Variants in PROZ observed in about 807,000 individuals in gnomAD.
The protein encoded by PROZ is protein Z, vitamin K dependent plasma glycoprotein.
In PROZ, 46 loss-of-function variants were observed where a neutral mutation model predicts 34.9. The observed-to-expected ratio is 1.32, with a 90% CI of 1.04 to 1.69. The LOEUF is 1.69. PROZ is among the 40% of genes most tolerant of loss of function. The pLI, the probability that PROZ is intolerant of heterozygous loss-of-function variation, is 0.00. For missense variants in PROZ, 530 were observed against 520.4 expected (o/e 1.02, Z -0.18); for synonymous variants, 195 against 208.5 (o/e 0.94, Z 0.56).
intron 6 of PROZ, chr13:113,166,182 A>G (rs2036926083): frequency 6.6e-6 from 1 of 152,248 alleles, no homozygotes; most frequent in Admixed American, 6.5e-5. Context: ...CACATAATTT[A>G]AAATTTTCTA....
At chr13:113,164,971 CA>C in intron 5 of PROZ, 81 bp from the exon 6 acceptor site, 1 of 1,353,330 alleles carries the variant, frequency 7.4e-7, no homozygotes, top group East Asian at 2.3e-5. Context: ...CGGAATTATG[CA>C]ACGGTTAACA....
In PROZ at chr13:113,159,937, C is replaced by T. The variant is rs529581759; in HGVS notation, c.71-77C>T. 103 of 1,574,088 alleles carry T rather than the reference C, an allele frequency of 6.5e-5. No homozygotes were observed. Among genetic ancestry groups the T allele is most frequent in the East Asian group, 1.8e-4 (8 of 44,688 alleles). The stretch of plus-strand genomic sequence containing the variant: ...GACGGGGCTGGGGCTGGCGGCCGGC[C>T]GGGGAGGAAGCCAGGCAGCTCTGGA... On this transcript the variant is annotated intron_variant, in intron 1 of 7. Transcript: ENST00000375547. The surrounding 1 kb of genome is among the most constrained non-coding windows in gnomAD (Gnocchi z 4.6).
In PROZ at chr13:113,159,899, G is replaced by C; in HGVS notation, c.71-115G>C. 1 of 1,288,726 alleles carries C rather than the reference G, an allele frequency of 7.8e-7. No individual in the cohort carries two copies. Among genetic ancestry groups the C allele is most frequent in the Non-Finnish European group, 1.1e-6 (1 of 888,370 alleles). The allele number at this position is 1,288,726 out of a possible 1,614,324, so 79.8% of individuals were successfully genotyped here. A position where few individuals can be genotyped will look rare whatever the true frequency, so the allele number is the denominator to read the frequency against. ...GCCCTGAGGCCCTCGCAGGCTGAGA[G>C]CCTGTGGAGACGGACGGGGCTGGGG... is the stretch of plus-strand genomic sequence containing the variant. On this transcript the variant is annotated intron_variant, in intron 1 of 7. Transcript: ENST00000375547. This position sits in a 1 kb window ranked among gnomAD's most constrained non-coding sequence, Gnocchi z 4.6.
rs1246696071 is a variant in PROZ, at chr13:113,159,637, GCAC to G, written c.71-376_71-374del. 6.6e-6 allele frequency among the ~76,000 whole-genome samples: 1 copy of G among 152,236 alleles called. No homozygotes were observed. Among genetic ancestry groups the G allele is most frequent in the African/African-American group, 2.4e-5 (1 of 41,458 alleles). ...ATGTTAAATGCTGCGCACAGAGGCA[GCAC>G]AGGAGCTGATGGCTCTTGGTCCCCA... On this transcript the variant is annotated intron_variant, in intron 1 of 7. Coordinates refer to ENST00000375547, the MANE Select transcript of PROZ (RefSeq NM_003891.3). The surrounding 1 kb of genome is among the most constrained non-coding windows in gnomAD (Gnocchi z 4.6).
At position 113,159,547 on chromosome 13, in the gene PROZ, TCTC is replaced by T. The variant is rs1480502783; in HGVS notation, c.71-461_71-459del. Among the ~76,000 whole-genome samples, 1 of 152,202 alleles carries T rather than the reference TCTC, an allele frequency of 6.6e-6. No homozygotes were observed. The highest frequency in any genetic ancestry group is 1.5e-5 in the Non-Finnish European group (1 of 68,044). On this transcript the variant is annotated intron_variant, in intron 1 of 7. Coordinates refer to ENST00000375547, the MANE Select transcript of PROZ (RefSeq NM_003891.3). The surrounding 1 kb of genome is among the most constrained non-coding windows in gnomAD (Gnocchi z 4.6). ...CTGCCGCGGGTCAACTCATTTGCCTTCTCCTCCTGGAAATCGCAGAGCCTGCTG... is the reference window on the plus strand; with the variant it reads ...CTGCCGCGGGTCAACTCATTTGCCTTCTCCTGGAAATCGCAGAGCCTGCTG...
rs775089037 is a variant in PROZ, at chr13:113,171,636, C to T, written c.734C>T (p.Thr245Met). The T allele has an allele frequency of 3.7e-5, 59 of 1,614,046 alleles. No individual in the cohort carries two copies. Among genetic ancestry groups the T allele is most frequent in the Non-Finnish European group, 4.7e-5 (56 of 1,180,050 alleles). Residue 245 changes from threonine (T) to methionine (M), a missense_variant, in exon 8 of 8, where the codon ACG (threonine) becomes ATG (methionine). Thr to Met is a moderately conservative substitution (Grantham distance 81, BLOSUM62 -1). Coordinates refer to ENST00000375547, the MANE Select transcript of PROZ (RefSeq NM_003891.3). This position sits in a 1 kb window ranked among gnomAD's most constrained non-coding sequence, Gnocchi z 5.1. ...CAAGACCCGCTGATGATCAAGATAA[C>T]GCACGTCCATGTGCACATGCGGTAT... ...TSQDPLMIKI[T>M]HVHVHMRYDA...
intron 3 of PROZ, among the ~76,000 whole-genome samples, chr13:113,161,801 C>CCCACA (rs2036767388): frequency 7.2e-6 from 1 of 139,220 alleles, no homozygotes; most frequent in African/African-American, 2.6e-5. Flanking sequence ...CTGCCACCTC[C>CCCACA]TCACATCCTC....
In PROZ at chr13:113,169,011, G is replaced by A. The variant is rs45575731; in HGVS notation, c.574-1402G>A. ...CCCAAAGTGCTGGGATTATAGGCGTGAGCCACCATGCCTGGCCCATTATTT... is the reference window on the plus strand; with the variant it reads ...CCCAAAGTGCTGGGATTATAGGCGTAAGCCACCATGCCTGGCCCATTATTT... On this transcript the variant is annotated intron_variant, in intron 6 of 7. Coordinates refer to ENST00000375547, the MANE Select transcript of PROZ (RefSeq NM_003891.3). Among the ~76,000 whole-genome samples, 590 of 152,288 alleles carry A rather than the reference G, an allele frequency of 3.9e-3. 6 individuals are homozygous for A. The highest frequency in any genetic ancestry group is 6.8e-3 in the Non-Finnish European group (465 of 68,028).
intron 4 of PROZ, among the ~76,000 whole-genome samples, chr13:113,164,307 C>T (rs961335068): frequency 1.3e-5 from 2 of 152,106 alleles, no homozygotes; most frequent in Non-Finnish European, 2.9e-5. Flanking sequence ...TCTACATGCA[C>T]ATTCCTGAAA....
rs1319424821 is a variant in PROZ at position 113,171,352 on chromosome 13, C to T, written c.692-242C>T. ...CATTTCACCACACCCCACTGCACTC[C>T]AAAACAGAAGAACTAACCTTGACTG... On this transcript the variant is annotated intron_variant, in intron 7 of 7. Transcript: ENST00000375547. The surrounding 1 kb of genome is among the most constrained non-coding windows in gnomAD (Gnocchi z 5.1). Among the ~76,000 whole-genome samples, 4 of 152,178 alleles carry T rather than the reference C, an allele frequency of 2.6e-5. No homozygotes were observed. Among genetic ancestry groups the T allele is most frequent in the African/African-American group, 7.2e-5 (3 of 41,438 alleles).
intron 6 of PROZ, among the ~76,000 whole-genome samples, chr13:113,169,723 G>A (rs987070207): frequency 1.3e-5 from 2 of 152,248 alleles, no homozygotes; most frequent in African/African-American, 2.4e-5. Context: ...TTTTAACTCA[G>A]CTGGTGGAAG....
rs1168066705 is a variant in PROZ at position 113,163,120 on chromosome 13, T to C, written c.371T>C (p.Leu124Pro). 1.3e-6 allele frequency: 2 copies of C among 1,550,500 alleles called. No individual in the cohort carries two copies. The highest frequency in any genetic ancestry group is 8.7e-7 in the Non-Finnish European group (1 of 1,145,744). Residue 124 changes from leucine to proline, a missense_variant and splice_region_variant, in exon 4 of 8, where the codon CTG becomes CCG. Leu to Pro is a moderately conservative substitution (Grantham distance 98). Transcript: ENST00000375547. ...SPGYEGSNCE[L>P]AKNECHPERT... ...GGCTATGAGGGCAGCAACTGCGAGC[T>C]GGGTGAGGCCCCGGCCGTCCCCTTC...
chr13:113,162,962 T>TC, intron 3 of PROZ, 47 bp from the exon 4 acceptor site: 1 of 1,134,540 alleles, frequency 8.8e-7, no homozygotes, highest in South Asian at 1.3e-5. Flanking sequence ...CCTGCTCAGG[T>TC]CCCCGTTCCT....
Position 113,171,942 on chromosome 13 carries a change from C to T in PROZ, c.1040C>T (p.Ala347Val), listed in dbSNP as rs779977892. The T allele has an allele frequency of 5.6e-6, 9 of 1,613,690 alleles. No homozygotes were observed. The highest frequency in any genetic ancestry group is 1.7e-4 in the Middle Eastern group (1 of 6,060). Residue 347 changes from alanine (A) to valine (V), a missense_variant, in exon 8 of 8, where the codon GCG (alanine) becomes GTG (valine). Physicochemically the swap from Ala to Val is moderately conservative, Grantham distance 64 (BLOSUM62 0). Transcript: ENST00000375547. The surrounding 1 kb of genome is among the most constrained non-coding windows in gnomAD (Gnocchi z 5.1). Reference protein sequence around the residue: ...TRTYCERSSVAAMHWMDGSVV... With the variant: ...TRTYCERSSVVAMHWMDGSVV... ...ACCTACTGTGAGAGAAGCAGCGTGG[C>T]GGCCATGCACTGGATGGATGGAAGT...
rs146398692 is a variant in PROZ at position 113,171,678 on chromosome 13, A to T, written c.776A>T (p.Glu259Val). Residue 259 changes from glutamate (E) to valine (V), a missense_variant, in exon 8 of 8, where the codon GAG (glutamate) becomes GTG (valine). Coordinates refer to ENST00000375547, the MANE Select transcript of PROZ (RefSeq NM_003891.3). This position sits in a 1 kb window ranked among gnomAD's most constrained non-coding sequence, Gnocchi z 5.1. ...VHMRYDADAG[E>V]NDLSLLELEW... is the part of the protein sequence containing the mutation. ...ATGCGGTATGACGCGGACGCGGGGG[A>T]GAATGACCTGTCACTGCTGGAGCTG... 2.4e-3 allele frequency: 3,879 copies of T among 1,613,960 alleles called. 9 individuals carry two copies. Among genetic ancestry groups the T allele is most frequent in the Non-Finnish European group, 3.0e-3 (3,483 of 1,180,014 alleles).
chr13:113,171,511 G>A lies in PROZ; in HGVS notation c.692-83G>A, dbSNP rs527606244. 8 of 1,577,070 alleles carry A rather than the reference G, an allele frequency of 5.1e-6. No individual in the cohort carries two copies. The highest frequency in any genetic ancestry group is 6.9e-6 in the Non-Finnish European group (8 of 1,156,762). On this transcript the variant is annotated intron_variant, in intron 7 of 7. Transcript: ENST00000375547. This position sits in a 1 kb window ranked among gnomAD's most constrained non-coding sequence, Gnocchi z 5.1. ...CCAGGGCCGGTCTCTCCCTCCTCAC[G>A]TGGCTCCCTGAGAAGCTCGTTTGAG...
rs1231637445 is a variant in PROZ, at chr13:113,170,670, T to TA, written c.691+141dup. ...TTACTGTCAATAAAACTGAGATACTTATCAACTCAGGAAGCATATGTAAAA... is the reference window on the plus strand; with the variant it reads ...TTACTGTCAATAAAACTGAGATACTTAATCAACTCAGGAAGCATATGTAAAA... On this transcript the variant is annotated intron_variant, in intron 7 of 7. Transcript: ENST00000375547. 7.0e-5 allele frequency: 46 copies of TA among 653,974 alleles called. 1 individual carries two copies. The African/African-American group carries it at 7.4e-4, about 11-fold the overall frequency. The allele number at this position is 653,974 out of a possible 1,614,324, so 40.5% of individuals were successfully genotyped here.
chr13:113,161,758 C>A (rs1357861032), intron 3 of PROZ, among the ~76,000 whole-genome samples: 1 of 150,996 alleles, frequency 6.6e-6, no homozygotes, highest in Non-Finnish European at 1.5e-5. Context: ...CACCCCCTGC[C>A]CCCCCGTCCT....
intron 2 of PROZ, 73 bp downstream of exon 2, chr13:113,160,250 TCA>T: frequency 6.5e-7 from 1 of 1,549,624 alleles, no homozygotes; most frequent in South Asian, 1.1e-5. Context: ...GCATCATTTC[TCA>T]GAGATTAAGC....
Sources: gnomAD v4.1 joint callset for allele counts (sites outside exome capture counted in the v4.1 genomes callset) on GRCh38, gnomAD v4.1.1 for gene constraint, Gnocchi (gnomAD v3.1) non-coding constraint, MANE v1.5 for transcripts, NCBI Gene and HGNC (gene_info 2026-07-23, HGNC 2026-07-21) for gene names.